Variants in BIN2 observed in about 807,000 individuals in gnomAD.
BIN2 encodes bridging integrator 2, also known as breast cancer associated protein BRAP1.
A neutral mutation model predicts 67.9 loss-of-function variants in BIN2; 43 were observed. That is an observed-to-expected ratio of 0.63 (90% CI 0.50 to 0.82). BIN2 has a LOEUF of 0.82. Among genes scored for constraint, BIN2 ranks in the 40% least tolerant of loss-of-function variants. BIN2 has a pLI of 0.00. For synonymous variants in BIN2, 244 were observed against 246.8 expected (o/e 0.99, Z 0.11); for missense variants, 581 against 671.6 (o/e 0.87, Z 1.49).
intron 2 of BIN2, among the ~76,000 whole-genome samples, chr12:51,309,245 C>T (rs1226274006): frequency 1.3e-5 from 2 of 152,056 alleles, no homozygotes; most frequent in African/African-American, 2.4e-5. Flanking sequence ...CATAGTGAGA[C>T]CTCGTCTTCA....
intron 12 of BIN2, among the ~76,000 whole-genome samples, chr12:51,283,263 CAAAA>C (rs56781092): frequency 0.59 from 73,991 of 125,448 alleles, 21,242 homozygotes; most frequent in East Asian, 0.88. Flanking sequence ...GACTCCATCT[CAAAA>C]AAAAAAAAAA....
chr12:51,295,954 T>G, intron 8 of BIN2, 76 bp from the exon 9 acceptor site: 1 of 1,146,928 alleles, frequency 8.7e-7, no homozygotes, highest in South Asian at 1.3e-5. Flanking sequence ...CCCCTCCCCT[T>G]CAGACAGCTT....
At chr12:51,320,644 T>A (rs1197459919) in intron 1 of BIN2, among the ~76,000 whole-genome samples, 146 of 151,848 alleles carry the variant, frequency 9.6e-4, no homozygotes, top group African/African-American at 3.4e-3. Flanking sequence ...CTTTTTTTTT[T>A]TTTTTTTTAA....
At chr12:51,319,982 C>CTTTT (rs1565692708) in intron 1 of BIN2, among the ~76,000 whole-genome samples, 12 of 151,246 alleles carry the variant, frequency 7.9e-5, no homozygotes, top group South Asian at 2.1e-4. Context: ...TCCTTTTCTC[C>CTTTT]CTCTCTTTCT....
intron 2 of BIN2, among the ~76,000 whole-genome samples, chr12:51,313,378 AC>A (rs1329804199): frequency 1.3e-5 from 2 of 151,752 alleles, no homozygotes; most frequent in South Asian, 2.1e-4. Context: ...CACTCTTGTC[AC>A]CCAGGCTAGA....
chr12:51,305,832 T>C (rs1441962098), intron 2 of BIN2, among the ~76,000 whole-genome samples: 1 of 130,918 alleles, frequency 7.6e-6, no homozygotes, highest in South Asian at 2.7e-4. Flanking sequence ...CTTTCTTTTT[T>C]TTTTTTTTTT....
chr12:51,292,066 T>TG lies in BIN2; in HGVS notation c.1039dup (p.Gln347ProfsTer7). ...GGCCCTTTCAGTGGTAGGAGAGGGC[T>TG]GGGCCTGGGCGGGGCCATTGCAGGC... On this transcript the variant is annotated frameshift_variant, in exon 10 of 13. Coordinates refer to ENST00000615107, the MANE Select transcript of BIN2 (RefSeq NM_016293.4). LOFTEE classifies it high-confidence loss of function. 6.2e-7 allele frequency: 1 copy of TG among 1,614,120 alleles called. No individual in the cohort carries two copies. Among genetic ancestry groups the TG allele is most frequent in the Non-Finnish European group, 8.5e-7 (1 of 1,179,984 alleles).
rs1945651655 is a variant in BIN2 at position 51,299,179 on chromosome 12, CCTTT to C, written c.602+20_602+23del. On this transcript the variant is annotated intron_variant, in intron 7 of 12. Coordinates refer to ENST00000615107, the MANE Select transcript of BIN2 (RefSeq NM_016293.4). ...AGGTGCCTTGTGTGAAGCAAAGGCA[CCTTT>C]TCTGAATTTCAGTCATTACCTATTA... 1 of 1,576,036 alleles carries C rather than the reference CCTTT, an allele frequency of 6.3e-7. No individual in the cohort carries two copies. Among genetic ancestry groups the C allele is most frequent in the South Asian group, 1.1e-5 (1 of 90,246 alleles).
chr12:51,288,489 T>A (rs1310551297), intron 10 of BIN2, among the ~76,000 whole-genome samples: 2 of 152,218 alleles, frequency 1.3e-5, no homozygotes, highest in African/African-American at 2.4e-5. Context: ...ACTTAATTTT[T>A]CTTCATATCA....
At chr12:51,299,540 T>G in intron 6 of BIN2, 67 bp downstream of exon 6, 1 of 1,480,062 alleles carries the variant, frequency 6.8e-7, no homozygotes, top group East Asian at 2.3e-5. Context: ...CCCAGCCACC[T>G]GCTACCACCA....
At chr12:51,319,226 CCCAAAAGGCTCAAGG>C (rs1189631844) in intron 1 of BIN2, among the ~76,000 whole-genome samples, 4 of 152,250 alleles carry the variant, frequency 2.6e-5, no homozygotes, top group Admixed American at 1.3e-4. Flanking sequence ...CTCCCCAATC[CCCAAAAGGCTCAAGG>C]CCAAAAGGCT....
At chr12:51,320,405 C>G (rs1946240654) in intron 1 of BIN2, among the ~76,000 whole-genome samples, 2 of 152,180 alleles carry the variant, frequency 1.3e-5, no homozygotes, top group Non-Finnish European at 2.9e-5. Flanking sequence ...GCTCTGACCA[C>G]TCCCTGTGCT....
intron 2 of BIN2, among the ~76,000 whole-genome samples, chr12:51,311,987 G>A (rs1288302609): frequency 6.6e-6 from 1 of 152,090 alleles, no homozygotes; most frequent in South Asian, 2.1e-4. Context: ...GGCCAGGCTG[G>A]TCTCGAACTC....
In BIN2 at chr12:51,313,227, G is replaced by GC. The variant is rs1212667487; in HGVS notation, c.162+595_162+596insG. 5.4e-3 allele frequency among the ~76,000 whole-genome samples: 735 copies of GC among 137,266 alleles called. 3 individuals carry two copies. The highest frequency in any genetic ancestry group is 8.7e-3 in the Non-Finnish European group (557 of 64,258). 90.1% of individuals were successfully genotyped at this position (137,266 alleles called of 152,430 possible). On this transcript the variant is annotated intron_variant, in intron 2 of 12. Transcript: ENST00000615107. ...GGAAGGAAGGAAGGAAGGAAGGCAG[G>GC]AAGGCAGGCAGGCAGGCAGGCAGGG...
chr12:51,289,385 T>A (rs922304859), intron 10 of BIN2, among the ~76,000 whole-genome samples: 1 of 151,730 alleles, frequency 6.6e-6, no homozygotes, highest in Non-Finnish European at 1.5e-5. Context: ...GAGGCGGAGA[T>A]GGGAGGACCA....
chr12:51,295,580 AT>A (rs58859252), intron 9 of BIN2, among the ~76,000 whole-genome samples: 1,864 of 39,228 alleles, frequency 0.048, 360 homozygotes, highest in African/African-American at 0.13. Context: ...AAAAAAAAAT[AT>A]ATATATATAT....
rs1185842896 is a variant in BIN2 at position 51,313,877 on chromosome 12, T to C, written c.108A>G (p.Val36=). Reference sequence around the variant, plus strand: ...GTTCAAATCGTTCATCTTTGGTTTCTACAGCTTTCCCCAATTTCTGCAGCA... The same window carrying C: ...GTTCAAATCGTTCATCTTTGGTTTCCACAGCTTTCCCCAATTTCTGCAGCA... ...EKVLQKLGKA[V]ETKDERFEQS... The change falls in exon 2 of 13, where the codon GTA becomes GTG. Residue 36 remains valine, a synonymous_variant. Transcript: ENST00000615107. 2 of 1,614,068 alleles carry C rather than the reference T, an allele frequency of 1.2e-6. No homozygotes were observed. Among genetic ancestry groups the C allele is most frequent in the Admixed American group, 1.7e-5 (1 of 60,016 alleles).
chr12:51,324,115 CT>C lies in BIN2; in HGVS notation c.-14del, dbSNP rs745872885. On this transcript the variant is annotated 5_prime_UTR_variant, in exon 1 of 13. Coordinates refer to ENST00000615107, the MANE Select transcript of BIN2 (RefSeq NM_016293.4). The stretch of plus-strand genomic sequence containing the variant: ...TGCCCTCTGCCATCCTGCCAACTCC[CT>C]GGGGGCCGCCGCCCTGGCCCCGCGC... 14 of 1,611,976 alleles carry C rather than the reference CT, an allele frequency of 8.7e-6. No individual in the cohort carries two copies. Among genetic ancestry groups the C allele is most frequent in the Middle Eastern group, 1.7e-4 (1 of 6,016 alleles).
At chr12:51,322,673 G>A (rs959974051) in intron 1 of BIN2, 76 of 151,338 alleles carry the variant, frequency 5.0e-4, no homozygotes, top group African/African-American at 1.5e-3. Flanking sequence ...ACACTGTTTC[G>A]AGCTAGACCT....
Sources: allele counts gnomAD v4.1 joint callset (sites outside exome capture counted in the v4.1 genomes callset), GRCh38; gene constraint gnomAD v4.1.1; transcripts MANE v1.5; gene names NCBI Gene and HGNC (gene_info 2026-07-23, HGNC 2026-07-21).